MLLT3: variants seen among roughly 807,000 people sequenced by gnomAD.
MLLT3 encodes protein AF-9.
MLLT3 carries 4 observed loss-of-function variants against 53.2 expected under a neutral mutation model. The observed-to-expected ratio is 0.08, with a 90% CI of 0.04 to 0.17. The LOEUF is 0.17. Ranked by LOEUF, MLLT3 falls within the 10% of genes least tolerant of loss-of-function variation. The pLI, the probability that MLLT3 is intolerant of heterozygous loss-of-function variation, is 1.00. For synonymous variants in MLLT3, 283 were observed against 230.6 expected (o/e 1.23, Z -2.06); for missense variants, 569 against 684.0 (o/e 0.83, Z 1.87).
intron 5 of MLLT3, among the ~76,000 whole-genome samples, chr9:20,403,729 T>G (rs568939079): frequency 1.3e-5 from 2 of 152,310 alleles, no homozygotes; most frequent in East Asian, 3.9e-4. Context: ...TAATGTGAAC[T>G]AGGACACGTG....
In MLLT3 at chr9:20,525,376, A is replaced by G. The variant is rs755452847; in HGVS notation, c.194-68590T>C. ...CCGAGTGTGGTGGCGTGCACATGTA[A>G]TCCCAGCTACTTGGTAGGCTGACGC... On this transcript the variant is annotated intron_variant, in intron 2 of 10. Transcript: ENST00000380338. Among the ~76,000 whole-genome samples, 59 of 152,102 alleles carry G rather than the reference A, an allele frequency of 3.9e-4. 1 individual carries two copies. Among genetic ancestry groups the G allele is most frequent in the Non-Finnish European group, 4.9e-4 (33 of 68,014 alleles).
At chr9:20,423,312 G>C (rs934980761) in intron 4 of MLLT3, among the ~76,000 whole-genome samples, 1 of 152,156 alleles carries the variant, frequency 6.6e-6, no homozygotes, top group East Asian at 1.9e-4. Context: ...ATATAGAATG[G>C]GGGAGAGGCT....
chr9:20,561,201 T>C (rs1018567634), intron 2 of MLLT3, among the ~76,000 whole-genome samples: 6 of 152,076 alleles, frequency 3.9e-5, no homozygotes, highest in Admixed American at 3.9e-4. Context: ...CTACTTTAGA[T>C]CAATGGAGCA....
At chr9:20,386,030 T>TC (rs1008848380) in intron 5 of MLLT3, among the ~76,000 whole-genome samples, 2 of 152,156 alleles carry the variant, frequency 1.3e-5, no homozygotes, top group Non-Finnish European at 2.9e-5. Context: ...AGCCCTGTTG[T>TC]CCCTTAGGTT....
chr9:20,508,284 C>A (rs1318878682), intron 2 of MLLT3, among the ~76,000 whole-genome samples: 1 of 152,178 alleles, frequency 6.6e-6, no homozygotes, highest in African/African-American at 2.4e-5. Flanking sequence ...CGCCCTTCCC[C>A]TTTTATAAAG....
At chr9:20,421,130 G>A (rs1162140916) in intron 4 of MLLT3, among the ~76,000 whole-genome samples, 1 of 152,102 alleles carries the variant, frequency 6.6e-6, no homozygotes, top group East Asian at 1.9e-4. Context: ...CGGGCCAGGT[G>A]GCGAGGGCCT....
At chr9:20,558,209 T>C (rs1196693744) in intron 2 of MLLT3, among the ~76,000 whole-genome samples, 1 of 152,226 alleles carries the variant, frequency 6.6e-6, no homozygotes, top group African/African-American at 2.4e-5. Flanking sequence ...CAAAATCATA[T>C]CTTCAGGAAA....
intron 2 of MLLT3, among the ~76,000 whole-genome samples, chr9:20,565,974 ATATATATATTTATTTATATATTTATT>A (rs1819359573): frequency 8.6e-6 from 1 of 116,488 alleles, no homozygotes; most frequent in African/African-American, 3.5e-5. Context: ...ATATTTATAT[ATATATATATTTATTTATATATTTATT>A]TATATATATA....
chr9:20,482,865 T>C (rs1016221958), intron 2 of MLLT3, among the ~76,000 whole-genome samples: 1 of 152,216 alleles, frequency 6.6e-6, no homozygotes, highest in Non-Finnish European at 1.5e-5. Context: ...CTGTTGTTTC[T>C]TACATAAATC....
intron 2 of MLLT3, among the ~76,000 whole-genome samples, chr9:20,514,939 ATTTTTT>A (rs35816235): frequency 3.4e-5 from 3 of 88,728 alleles, no homozygotes; most frequent in East Asian, 3.1e-4. Flanking sequence ...TGAAGGAACA[ATTTTTT>A]TTTTTTTTTT....
At chr9:20,443,499 A>C (rs1823606030) in intron 4 of MLLT3, among the ~76,000 whole-genome samples, 1 of 152,320 alleles carries the variant, frequency 6.6e-6, no homozygotes, top group Admixed American at 6.5e-5. Context: ...AGCAAAATAC[A>C]AACAAGCACT....
rs143614554 is a variant in MLLT3, at chr9:20,419,108, G to A, written c.421-4683C>T. On this transcript the variant is annotated intron_variant, in intron 4 of 10. Coordinates refer to ENST00000380338, the MANE Select transcript of MLLT3 (RefSeq NM_004529.4). ...AAGCAGATCTAACAGATTTTCTGGAGGAGAAAGATGAAATATTGAGGTCAA... is the reference window on the plus strand; with the variant it reads ...AAGCAGATCTAACAGATTTTCTGGAAGAGAAAGATGAAATATTGAGGTCAA... 9.9e-4 allele frequency among the ~76,000 whole-genome samples: 151 copies of A among 152,152 alleles called. 2 individuals are homozygous for A. The highest frequency in any genetic ancestry group is 3.4e-3 in the African/African-American group (141 of 41,506).
intron 2 of MLLT3, among the ~76,000 whole-genome samples, chr9:20,501,166 G>C (rs1037431471): frequency 1.3e-5 from 2 of 152,110 alleles, no homozygotes; most frequent in African/African-American, 2.4e-5. Flanking sequence ...CATAAATCAT[G>C]ATGTCACAAA....
At chr9:20,463,309 T>C (rs775684536) in intron 2 of MLLT3, among the ~76,000 whole-genome samples, 4 of 152,122 alleles carry the variant, frequency 2.6e-5, no homozygotes, top group Non-Finnish European at 5.9e-5. Context: ...TTCTTTAACA[T>C]ACGCACAACA....
At chr9:20,526,278 A>C (rs1209983741) in intron 2 of MLLT3, among the ~76,000 whole-genome samples, 1 of 152,210 alleles carries the variant, frequency 6.6e-6, no homozygotes, top group Non-Finnish European at 1.5e-5. Flanking sequence ...CAACAAACCC[A>C]ATAAACTACC....
At position 20,619,307 on chromosome 9, in the gene MLLT3, G is replaced by C. The variant is rs985631514; in HGVS notation, c.193+1347C>G. 2.0e-5 allele frequency among the ~76,000 whole-genome samples: 3 copies of C among 152,080 alleles called. No homozygotes were observed. In the East Asian group the frequency reaches 5.8e-4, roughly 29 times the overall value. ...CCAACAAAGACCATCAAATTCAACCGTTCAAGTTTTCAGGAGGAGTTATAA... is the reference window on the plus strand; with the variant it reads ...CCAACAAAGACCATCAAATTCAACCCTTCAAGTTTTCAGGAGGAGTTATAA... On this transcript the variant is annotated intron_variant, in intron 2 of 10. Coordinates refer to ENST00000380338, the MANE Select transcript of MLLT3 (RefSeq NM_004529.4).
At chr9:20,556,275 C>T (rs989191175) in intron 2 of MLLT3, among the ~76,000 whole-genome samples, 1 of 151,960 alleles carries the variant, frequency 6.6e-6, no homozygotes, top group Non-Finnish European at 1.5e-5. Context: ...ATTAAATAAT[C>T]CTTGAGGCAT....
At chr9:20,350,329 C>T (rs534291038) in intron 10 of MLLT3, among the ~76,000 whole-genome samples, 329 of 152,298 alleles carry the variant, frequency 2.2e-3, no homozygotes, top group African/African-American at 7.7e-3. Flanking sequence ...GGCGCGGTGG[C>T]TCACGCCTGT....
intron 2 of MLLT3, among the ~76,000 whole-genome samples, chr9:20,560,449 C>T (rs888724112): frequency 3.9e-5 from 6 of 152,126 alleles, no homozygotes; most frequent in African/African-American, 1.4e-4. Context: ...TTACTGAGCA[C>T]CCATTATGAG....
Sources: gnomAD v4.1 joint callset for allele counts (sites outside exome capture counted in the v4.1 genomes callset) on GRCh38, gnomAD v4.1.1 for gene constraint, MANE v1.5 for transcripts, NCBI Gene and HGNC (gene_info 2026-07-23, HGNC 2026-07-21) for gene names.